The following STAB2 variants were observed in gnomAD, a reference collection of about 807,000 sequenced individuals.
STAB2 encodes stabilin-2.
Under a neutral mutation model 338.1 loss-of-function variants are expected in STAB2, and 288 were observed. The ratio of observed to expected loss-of-function variants is 0.85; its 90% CI spans 0.77 to 0.94. STAB2 has a LOEUF of 0.94. STAB2 is among the 40% of genes least tolerant of loss of function. STAB2 has a pLI of 0.00. For synonymous variants in STAB2, 1,202 were observed against 1,193.3 expected, an observed-to-expected ratio of 1.01 and a Z score of -0.15; for missense variants, 3,141 against 3,210.1, an observed-to-expected ratio of 0.98 and a Z score of 0.52.
At chr12:103,749,872 A>AAAG (rs58406423) in intron 59 of STAB2, among the ~76,000 whole-genome samples, 2 of 131,480 alleles carry the variant, frequency 1.5e-5, no homozygotes, top group Non-Finnish European at 1.6e-5. Context: ...AAAAAAAAAA[A>AAAG]GCTGGTAAGA....
chr12:103,665,629 CTTG>C (rs1875021124), intron 18 of STAB2, among the ~76,000 whole-genome samples: 1 of 152,106 alleles, frequency 6.6e-6, no homozygotes, highest in Non-Finnish European at 1.5e-5. Context: ...AATCCTTGAC[CTTG>C]TTGTCCTCCT....
At chr12:103,713,111 T>C (rs1206028450) in intron 41 of STAB2, among the ~76,000 whole-genome samples, 1 of 152,250 alleles carries the variant, frequency 6.6e-6, no homozygotes, top group Non-Finnish European at 1.5e-5. Context: ...ATTATTTTTA[T>C]CTGCAACTTG....
rs150636745 is a variant in STAB2, at chr12:103,695,601, C to T, written c.3427C>T (p.Arg1143Trp). 1.1e-4 allele frequency: 185 copies of T among 1,614,158 alleles called. 1 individual carries two copies. In the East Asian group the frequency reaches 1.6e-3, roughly 14 times the overall value. Residue 1143 changes from arginine to tryptophan, a missense_variant, in exon 32 of 69, where the codon CGG becomes TGG. Physicochemically the swap from Arg to Trp is moderately radical, Grantham distance 101. Transcript: ENST00000388887. Reference protein sequence around the residue: ...LTGSLPNLLMRLEQMPDYSIF... With the variant: ...LTGSLPNLLMWLEQMPDYSIF... ...TGGCTCCTTACCAAACCTGCTCATG[C>T]GGCTGGAACAGATGCCTGACTATTC...
intron 10 of STAB2, 69 bp downstream of exon 10, chr12:103,648,892 A>T: frequency 6.4e-7 from 1 of 1,573,026 alleles, no homozygotes; most frequent in Non-Finnish European, 8.6e-7. Context: ...GCAAGATACA[A>T]TGATTCAGAA....
chr12:103,753,245 A>C lies in STAB2; in HGVS notation c.6606A>C (p.Leu2202=). Residue 2202 remains leucine, a synonymous_variant, in exon 61 of 69, where the codon CTA becomes CTC. Transcript: ENST00000388887. ...FQDTTVGVFH[L]RSPLGQYKLT... is the part of the protein sequence containing the mutation. The stretch of plus-strand genomic sequence containing the variant: ...ATACCACTGTTGGGGTGTTCCATCT[A>C]CGCTCCCCACTGGGCCAGTATAAGC... The C allele has an allele frequency of 6.2e-7, 1 of 1,614,158 alleles. No individual in the cohort carries two copies. The highest frequency in any genetic ancestry group is 1.3e-5 in the African/African-American group (1 of 75,034).
intron 3 of STAB2, among the ~76,000 whole-genome samples, chr12:103,602,317 C>A (rs537912035): frequency 6.6e-6 from 1 of 152,242 alleles, no homozygotes; most frequent in East Asian, 1.9e-4. Context: ...CTTTATAATC[C>A]TTTGCAGTAC....
chr12:103,739,476 A>T lies in STAB2; in HGVS notation c.5754+8A>T. ...AGGTGGAGTAAACCAAAGGTAATTA[A>T]GACTGCAGTGATAATGTTTGGAGAG... is the stretch of plus-strand genomic sequence containing the variant. On this transcript the variant is annotated splice_region_variant and intron_variant, in intron 54 of 68. Transcript: ENST00000388887. 6.3e-7 allele frequency: 1 copy of T among 1,581,060 alleles called. No individual in the cohort carries two copies. The highest frequency in any genetic ancestry group is 8.6e-7 in the Non-Finnish European group (1 of 1,163,506).
intron 2 of STAB2, among the ~76,000 whole-genome samples, chr12:103,591,466 C>G (rs1956797067): frequency 6.6e-6 from 1 of 152,146 alleles, no homozygotes; most frequent in Non-Finnish European, 1.5e-5. Flanking sequence ...GCCTGGGTGA[C>G]AGAGTGAAAC....
At chr12:103,644,530 AAAATAAATAAAT>A (rs58759684) in intron 9 of STAB2, among the ~76,000 whole-genome samples, 97,731 of 144,174 alleles carry the variant, frequency 0.68, 34,467 homozygotes, top group Non-Finnish European at 0.79. Context: ...ATGATCAATA[AAAATAAATAAAT>A]AAATAAATAA....
At chr12:103,689,425 G>A (rs1877726078) in intron 28 of STAB2, among the ~76,000 whole-genome samples, 1 of 151,666 alleles carries the variant, frequency 6.6e-6, no homozygotes, top group Admixed American at 6.6e-5. Flanking sequence ...GGAGGTTGCA[G>A]TGAGCTGAGA....
chr12:103,612,947 G>A (rs899056027), intron 3 of STAB2, among the ~76,000 whole-genome samples: 1 of 152,150 alleles, frequency 6.6e-6, no homozygotes, highest in Non-Finnish European at 1.5e-5. Context: ...TTTGCTGGAG[G>A]TCCACTCCAG....
Position 103,713,668 on chromosome 12 carries a change from T to C in STAB2, c.4437T>C (p.Asn1479=), listed in dbSNP as rs1414958923. ...CTAINACEIS[N]GGCSAKADCK... is the part of the protein sequence containing the mutation. ...CAATCAATGCCTGTGAGATCAGCAA[T>C]GGAGGTTGCTCTGCCAAGGCTGACT... The change falls in exon 42 of 69, where the codon AAT becomes AAC. Residue 1479 remains asparagine (N), a synonymous_variant. Transcript: ENST00000388887. 2.5e-6 allele frequency: 4 copies of C among 1,614,060 alleles called. No individual in the cohort carries two copies. Among genetic ancestry groups the C allele is most frequent in the Non-Finnish European group, 3.4e-6 (4 of 1,179,938 alleles).
intron 3 of STAB2, among the ~76,000 whole-genome samples, chr12:103,606,333 C>A (rs1026008530): frequency 1.3e-5 from 2 of 152,140 alleles, no homozygotes; most frequent in African/African-American, 4.8e-5. Flanking sequence ...AGAAGCCCCA[C>A]ATTATATTGT....
At chr12:103,712,714 T>C (rs1345723010) in intron 41 of STAB2, among the ~76,000 whole-genome samples, 1 of 152,222 alleles carries the variant, frequency 6.6e-6, no homozygotes, top group Non-Finnish European at 1.5e-5. Context: ...ATGGATATGC[T>C]AATTACCCTC....
At chr12:103,755,582 T>C (rs1884038685) in intron 62 of STAB2, 30 bp from the exon 63 acceptor site, 1 of 1,613,482 alleles carries the variant, frequency 6.2e-7, no homozygotes, top group Admixed American at 1.7e-5. Flanking sequence ...GCCTTACTTG[T>C]GTGGGACCCT....
chr12:103,749,872 A>T (rs11111746), intron 59 of STAB2, among the ~76,000 whole-genome samples: 1 of 131,572 alleles, frequency 7.6e-6, no homozygotes, highest in African/African-American at 2.9e-5. Flanking sequence ...AAAAAAAAAA[A>T]GCTGGTAAGA....
chr12:103,741,103 T>G (rs992247118), intron 55 of STAB2, among the ~76,000 whole-genome samples: 9 of 152,172 alleles, frequency 5.9e-5, no homozygotes, highest in African/African-American at 2.2e-4. Context: ...GACTTTGATG[T>G]GACTCTCCCT....
At chr12:103,751,391 G>A (rs1484907502) in intron 60 of STAB2, among the ~76,000 whole-genome samples, 2 of 152,128 alleles carry the variant, frequency 1.3e-5, no homozygotes, top group East Asian at 3.8e-4. Context: ...GTGAGATGAG[G>A]TTGAAAGAAC....
chr12:103,594,808 C>G (rs537905133), intron 3 of STAB2, among the ~76,000 whole-genome samples: 11 of 152,218 alleles, frequency 7.2e-5, no homozygotes, highest in African/African-American at 2.4e-4. Flanking sequence ...AAGTCAAAAC[C>G]TGGGCTATTA....
Sources: allele counts gnomAD v4.1 joint callset (sites outside exome capture counted in the v4.1 genomes callset), GRCh38; gene constraint gnomAD v4.1.1; transcripts MANE v1.5; gene names NCBI Gene and HGNC (gene_info 2026-07-23, HGNC 2026-07-21).